SCFD2: variants seen among roughly 807,000 people sequenced by gnomAD.
SCFD2 encodes sec1 family domain containing 2.
A neutral mutation model predicts 58.9 loss-of-function variants in SCFD2; 54 were observed. That is an observed-to-expected ratio of 0.92 (90% confidence interval 0.74 to 1.15). SCFD2 has a LOEUF of 1.15. Among genes scored for constraint, SCFD2 ranks in the 50% most tolerant of loss-of-function variants. The probability of loss-of-function intolerance (pLI) is 0.00; values close to 1 mark genes in which losing one functional copy is unlikely to be tolerated. For missense variants in SCFD2, 805 were observed against 836.6 expected (o/e 0.96, Z 0.47); for synonymous variants, 321 against 335.9 (o/e 0.96, Z 0.49).
chr4:53,247,899 A>G (rs1270398666), intron 4 of SCFD2, among the ~76,000 whole-genome samples: 1 of 151,012 alleles, frequency 6.6e-6, no homozygotes, highest in Non-Finnish European at 1.5e-5. Context: ...AAAAATAACA[A>G]GATCATGTTT....
Position 53,177,820 on chromosome 4 carries a change from T to G in SCFD2, c.1312-32238A>C, listed in dbSNP as rs577995975. ...CTCCCACCCTAATACTGCACTTTTC[T>G]GATGGGCTTAAAAAATGGCACACCA... On this transcript the variant is annotated intron_variant, in intron 4 of 8. Coordinates refer to ENST00000401642, the MANE Select transcript of SCFD2 (RefSeq NM_152540.4). Among the ~76,000 whole-genome samples the G allele has an allele frequency of 1.5e-4, 23 of 152,312 alleles. No homozygotes were observed. In the East Asian group the frequency reaches 3.5e-3, roughly 23 times the overall value.
chr4:53,346,074 G>T (rs577220923), intron 2 of SCFD2, among the ~76,000 whole-genome samples: 1 of 151,958 alleles, frequency 6.6e-6, no homozygotes, highest in Non-Finnish European at 1.5e-5. Flanking sequence ...CGTTGTGCAC[G>T]TGTACCCTAG....
intron 5 of SCFD2, among the ~76,000 whole-genome samples, chr4:53,119,546 A>C (rs1373727881): frequency 6.6e-6 from 1 of 152,156 alleles, no homozygotes; most frequent in Non-Finnish European, 1.5e-5. Context: ...GATCAGAGGA[A>C]GAGATGGTAA....
chr4:53,173,384 C>T (rs550571725), intron 4 of SCFD2, among the ~76,000 whole-genome samples: 21 of 152,192 alleles, frequency 1.4e-4, no homozygotes, highest in African/African-American at 4.6e-4. Context: ...AGTCAGGGAC[C>T]ATTTGTATAA....
At chr4:53,196,562 T>C (rs767252043) in intron 4 of SCFD2, among the ~76,000 whole-genome samples, 6 of 152,186 alleles carry the variant, frequency 3.9e-5, no homozygotes, top group Non-Finnish European at 7.3e-5. Flanking sequence ...TAATTTAATG[T>C]GCTCCAGGTT....
At chr4:52,967,395 C>A (rs565224897) in intron 5 of SCFD2, among the ~76,000 whole-genome samples, 10 of 152,160 alleles carry the variant, frequency 6.6e-5, no homozygotes, top group Non-Finnish European at 1.2e-4. Context: ...ACATGGCAGT[C>A]CTTGTTGTCC....
chr4:53,334,371 A>G (rs1733605275), intron 2 of SCFD2, among the ~76,000 whole-genome samples: 1 of 152,182 alleles, frequency 6.6e-6, no homozygotes, highest in Non-Finnish European at 1.5e-5. Flanking sequence ...ACAATGACAG[A>G]CTGGATTAAG....
intron 5 of SCFD2, among the ~76,000 whole-genome samples, chr4:53,072,565 A>G (rs1723848987): frequency 6.6e-6 from 1 of 151,528 alleles, no homozygotes. Flanking sequence ...CCAGAGAATA[A>G]TAAAAGATTA....
At chr4:52,900,451 C>A (rs1004519428) in intron 7 of SCFD2, among the ~76,000 whole-genome samples, 2 of 152,182 alleles carry the variant, frequency 1.3e-5, no homozygotes, top group South Asian at 4.1e-4. Context: ...GGCTGCAGAA[C>A]AGTGGATATT....
intron 5 of SCFD2, among the ~76,000 whole-genome samples, chr4:53,043,230 T>G (rs894024985): frequency 6.6e-6 from 1 of 152,186 alleles, no homozygotes; most frequent in South Asian, 2.1e-4. Flanking sequence ...GGAAAGGCAC[T>G]GTGGGGAATC....
intron 4 of SCFD2, among the ~76,000 whole-genome samples, chr4:53,229,175 C>A (rs1577867968): frequency 6.6e-6 from 1 of 152,070 alleles, no homozygotes; most frequent in South Asian, 2.1e-4. Context: ...GAATCAATAT[C>A]GTGAAAATGG....
At chr4:53,180,881 G>A (rs887050192) in intron 4 of SCFD2, among the ~76,000 whole-genome samples, 17 of 152,252 alleles carry the variant, frequency 1.1e-4, no homozygotes, top group African/African-American at 3.4e-4. Context: ...ACACCTCTAC[G>A]CAAATAAACT....
At chr4:53,363,097 C>A (rs1734591974) in intron 1 of SCFD2, among the ~76,000 whole-genome samples, 1 of 151,760 alleles carries the variant, frequency 6.6e-6, no homozygotes, top group South Asian at 2.1e-4. Flanking sequence ...GCAACTTTGT[C>A]TTTCTATGTG....
chr4:52,946,383 A>G (rs1280974507), intron 5 of SCFD2, among the ~76,000 whole-genome samples: 1 of 152,170 alleles, frequency 6.6e-6, no homozygotes, highest in African/African-American at 2.4e-5. Context: ...AAGGATAGGA[A>G]ATGGCATGTT....
chr4:53,349,250 A>T (rs1734145499), intron 2 of SCFD2, among the ~76,000 whole-genome samples: 1 of 152,234 alleles, frequency 6.6e-6, no homozygotes, highest in Admixed American at 6.5e-5. Context: ...TGAAATAATG[A>T]GGTGTAAAAA....
At chr4:53,161,235 T>G (rs1163998708) in intron 4 of SCFD2, among the ~76,000 whole-genome samples, 1 of 152,230 alleles carries the variant, frequency 6.6e-6, no homozygotes, top group African/African-American at 2.4e-5. Context: ...ATTACACAGC[T>G]GTCTTCAGTT....
intron 4 of SCFD2, among the ~76,000 whole-genome samples, chr4:53,246,019 A>G (rs1577889474): frequency 6.6e-6 from 1 of 152,170 alleles, no homozygotes; most frequent in Non-Finnish European, 1.5e-5. Flanking sequence ...AAATCAGTGT[A>G]CAAAAATCAC....
intron 4 of SCFD2, among the ~76,000 whole-genome samples, chr4:53,221,677 A>G (rs1729051222): frequency 6.6e-6 from 1 of 152,246 alleles, no homozygotes; most frequent in African/African-American, 2.4e-5. Context: ...AAAATTTCAA[A>G]TTAAGGCTAC....
intron 5 of SCFD2, among the ~76,000 whole-genome samples, chr4:53,022,266 A>C (rs1307833428): frequency 6.6e-6 from 1 of 152,168 alleles, no homozygotes; most frequent in Non-Finnish European, 1.5e-5. Flanking sequence ...TTTACTTTTA[A>C]ATTGATAGTG....
Sources: allele counts gnomAD v4.1 joint callset (sites outside exome capture counted in the v4.1 genomes callset), GRCh38; gene constraint gnomAD v4.1.1; transcripts MANE v1.5; gene names NCBI Gene and HGNC (gene_info 2026-07-23, HGNC 2026-07-21).